METAP2: variants seen among roughly 807,000 people sequenced by gnomAD.
METAP2 encodes methionyl aminopeptidase 2, also known as methionine aminopeptidase 2.
METAP2 carries 25 observed loss-of-function variants against 59.4 expected under a neutral mutation model. That is an observed-to-expected ratio of 0.42 (90% CI 0.31 to 0.59). METAP2 has a LOEUF of 0.59. METAP2 is among the 20% of genes least tolerant of loss of function. METAP2 has a pLI of 0.16. For synonymous variants in METAP2, 214 were observed against 194.1 expected (o/e 1.10, Z -0.85); for missense variants, 366 against 581.2 (o/e 0.63, Z 3.81).
chr12:95,504,553 G>A lies in METAP2; in HGVS notation c.964+392G>A, dbSNP rs11108077. 3.3e-3 allele frequency among the ~76,000 whole-genome samples: 507 copies of A among 152,346 alleles called. 2 individuals carry two copies. Among genetic ancestry groups the A allele is most frequent in the African/African-American group, 0.012 (482 of 41,580 alleles). ...GTTCCGTCATCCAGGCTGGAGCGCA[G>A]TGGTGCAACCAGAGCTCACTGTAGT... On this transcript the variant is annotated intron_variant, in intron 8 of 10. Coordinates refer to ENST00000323666, the MANE Select transcript of METAP2 (RefSeq NM_006838.4).
intron 8 of METAP2, among the ~76,000 whole-genome samples, chr12:95,504,665 G>A (rs927373947): frequency 2.0e-5 from 3 of 152,032 alleles, no homozygotes; most frequent in South Asian, 2.1e-4. Flanking sequence ...CACCATGCCC[G>A]GCTGATTTTT....
intron 3 of METAP2, 120 bp from the exon 4 acceptor site, chr12:95,485,759 G>A: frequency 1.6e-6 from 1 of 631,366 alleles, no homozygotes; most frequent in Non-Finnish European, 2.6e-6. Context: ...TTTAACTGTG[G>A]CAGCAAGGAG....
chr12:95,480,332 A>G (rs975887120), intron 2 of METAP2, among the ~76,000 whole-genome samples: 6 of 152,210 alleles, frequency 3.9e-5, no homozygotes, highest in African/African-American at 7.2e-5. Context: ...CGAAGTTACT[A>G]TGAACATTTG....
At chr12:95,486,983 C>A (rs1236923378) in intron 4 of METAP2, among the ~76,000 whole-genome samples, 1 of 152,106 alleles carries the variant, frequency 6.6e-6, no homozygotes, top group Non-Finnish European at 1.5e-5. Context: ...CATTTGAATC[C>A]CAGTTCTGAC....
At chr12:95,498,943 G>C (rs917428129) in intron 7 of METAP2, among the ~76,000 whole-genome samples, 3 of 151,940 alleles carry the variant, frequency 2.0e-5, no homozygotes, top group Middle Eastern at 3.2e-3. Flanking sequence ...TGAGCCCAGG[G>C]AGGTTGAGGC....
At chr12:95,509,529 T>C (rs2076385931) in intron 8 of METAP2, among the ~76,000 whole-genome samples, 1 of 152,192 alleles carries the variant, frequency 6.6e-6, no homozygotes, top group African/African-American at 2.4e-5. Context: ...CTTGCAGAAG[T>C]ATTTTTTTGT....
At chr12:95,489,509 A>G (rs1003953678) in intron 4 of METAP2, among the ~76,000 whole-genome samples, 7 of 152,194 alleles carry the variant, frequency 4.6e-5, no homozygotes, top group African/African-American at 1.7e-4. Context: ...TCATATAACC[A>G]GTTTTGACTA....
chr12:95,477,354 G>A (rs1176670382), intron 2 of METAP2, among the ~76,000 whole-genome samples: 1 of 152,070 alleles, frequency 6.6e-6, no homozygotes, highest in African/African-American at 2.4e-5. Context: ...GCCTCCCAAG[G>A]TGCTGGGATT....
rs201914063 is a variant in METAP2, at chr12:95,514,488, A to G, written c.*584A>G. The G allele has an allele frequency of 1.3e-5, 2 of 152,278 alleles. No homozygotes were observed. The highest frequency in any genetic ancestry group is 2.9e-5 in the Non-Finnish European group (2 of 68,066). 9.4% of individuals were successfully genotyped at this position (152,278 alleles called of 1,614,324 possible). On this transcript the variant is annotated 3_prime_UTR_variant, in exon 11 of 11. Coordinates refer to ENST00000323666, the MANE Select transcript of METAP2 (RefSeq NM_006838.4). ...ATAGTGGCTAAAACAAGATCTACAC[A>G]TGCATAAAAAGGGACAATCACCTTT...
intron 7 of METAP2, among the ~76,000 whole-genome samples, chr12:95,500,372 C>A (rs911298540): frequency 6.6e-6 from 1 of 152,044 alleles, no homozygotes; most frequent in African/African-American, 2.4e-5. Flanking sequence ...TACTTCCATC[C>A]CAATTTAGAT....
chr12:95,514,094 C>T lies in METAP2; in HGVS notation c.*190C>T, dbSNP rs147553493. ...GTAATTAACCAACGAAAAAGCTTTCCGGACTTTTAAATGCTAACTGTTTTT... is the reference window on the plus strand; with the variant it reads ...GTAATTAACCAACGAAAAAGCTTTCTGGACTTTTAAATGCTAACTGTTTTT... On this transcript the variant is annotated 3_prime_UTR_variant, in exon 11 of 11. Coordinates refer to ENST00000323666, the MANE Select transcript of METAP2 (RefSeq NM_006838.4). 584 of 602,132 alleles carry T rather than the reference C, an allele frequency of 9.7e-4. 1 individual carries two copies. Among genetic ancestry groups the T allele is most frequent in the Admixed American group, 3.2e-3 (85 of 26,698 alleles). 37.3% of individuals were successfully genotyped at this position (602,132 alleles called of 1,614,324 possible).
chr12:95,512,060 C>A, intron 9 of METAP2, 62 bp downstream of exon 9: 1 of 1,187,274 alleles, frequency 8.4e-7, no homozygotes, highest in Non-Finnish European at 1.2e-6. Flanking sequence ...AGCAGAAGGT[C>A]ATGGTAGTTA....
intron 8 of METAP2, among the ~76,000 whole-genome samples, chr12:95,506,588 C>T (rs542010541): frequency 1.3e-5 from 2 of 151,992 alleles, no homozygotes; most frequent in East Asian, 1.9e-4. Context: ...CATGAGTCAC[C>T]GTGCCCAGCC....
At chr12:95,502,449 C>CT (rs2076323549) in intron 7 of METAP2, among the ~76,000 whole-genome samples, 1 of 152,144 alleles carries the variant, frequency 6.6e-6, no homozygotes, top group Non-Finnish European at 1.5e-5. Context: ...TGCTTGAAGT[C>CT]TAATTGAGCA....
At chr12:95,507,890 T>C (rs1429742744) in intron 8 of METAP2, among the ~76,000 whole-genome samples, 1 of 151,438 alleles carries the variant, frequency 6.6e-6, no homozygotes, top group East Asian at 1.9e-4. Context: ...GCAGTTCTCC[T>C]GCCTCAGCCT....
intron 5 of METAP2, 118 bp downstream of exon 5, chr12:95,494,335 A>G (rs2076262055): frequency 1.0e-6 from 1 of 983,286 alleles, no homozygotes; most frequent in Non-Finnish European, 1.5e-6. Flanking sequence ...TAAAGGTTGT[A>G]GAAATGCCTT....
Position 95,481,958 on chromosome 12 carries a change from A to C in METAP2, c.260-1257A>C, listed in dbSNP as rs528890765. 8.5e-5 allele frequency among the ~76,000 whole-genome samples: 13 copies of C among 152,310 alleles called. No homozygotes were observed. In the South Asian group the frequency reaches 2.1e-3, roughly 24 times the overall value. On this transcript the variant is annotated intron_variant, in intron 2 of 10. Transcript: ENST00000323666. ...TTTCTGTCCCTATTGCCTGGCACTTAAGAGCCCAACAAACATTTAATGGGG... is the reference window on the plus strand; with the variant it reads ...TTTCTGTCCCTATTGCCTGGCACTTCAGAGCCCAACAAACATTTAATGGGG...
chr12:95,485,652 A>G (rs2076190926), intron 3 of METAP2, among the ~76,000 whole-genome samples: 1 of 152,178 alleles, frequency 6.6e-6, no homozygotes, highest in Non-Finnish European at 1.5e-5. Context: ...TATACTGTTT[A>G]AATACATAAT....
intron 7 of METAP2, among the ~76,000 whole-genome samples, chr12:95,500,546 G>A (rs1242233412): frequency 1.3e-5 from 2 of 152,268 alleles, no homozygotes; most frequent in Non-Finnish European, 1.5e-5. Context: ...CTTTTATTAC[G>A]TTGAGGTGGT....
Sources: allele counts gnomAD v4.1 joint callset (sites outside exome capture counted in the v4.1 genomes callset), GRCh38; gene constraint gnomAD v4.1.1; transcripts MANE v1.5; gene names NCBI Gene and HGNC (gene_info 2026-07-23, HGNC 2026-07-21).